Variants in GPC6 observed in about 807,000 individuals in gnomAD.
GPC6 encodes the protein glypican 6.
In GPC6, 14 loss-of-function variants were observed where a neutral mutation model predicts 55.2. The observed-to-expected ratio is 0.25, with a 90% CI of 0.17 to 0.40. The LOEUF (loss-of-function observed/expected upper bound fraction) is 0.40, where lower values mean the gene tolerates loss of function less well. Ranked by LOEUF, GPC6 falls within the 10% of genes least tolerant of loss-of-function variation. The probability of loss-of-function intolerance (pLI) is 1.00; values close to 1 mark genes in which losing one functional copy is unlikely to be tolerated. For missense variants in GPC6, 641 were observed against 708.5 expected (o/e 0.90, Z 1.08); for synonymous variants, 278 against 259.6 (o/e 1.07, Z -0.68).
intron 2 of GPC6, among the ~76,000 whole-genome samples, chr13:93,560,345 CAAAAA>C (rs35073008): frequency 3.9e-5 from 5 of 129,582 alleles, no homozygotes; most frequent in African/African-American, 5.7e-5. Flanking sequence ...GTATCTCTAC[CAAAAA>C]AAAAAAAAAA....
chr13:93,412,047 C>A (rs1439323217), intron 1 of GPC6, among the ~76,000 whole-genome samples: 1 of 151,758 alleles, frequency 6.6e-6, no homozygotes. Flanking sequence ...CCATTATATT[C>A]TCTCCATTAT....
intron 2 of GPC6, among the ~76,000 whole-genome samples, chr13:93,681,888 T>G (rs542484431): frequency 6.6e-6 from 1 of 152,342 alleles, no homozygotes; most frequent in South Asian, 2.1e-4. Flanking sequence ...ACATTGATTT[T>G]TAGCTGTGTT....
intron 1 of GPC6, among the ~76,000 whole-genome samples, chr13:93,406,794 C>G (rs1003973175): frequency 6.6e-6 from 1 of 152,098 alleles, no homozygotes; most frequent in Non-Finnish European, 1.5e-5. Context: ...CAAATCTACT[C>G]ATTAAGGAAC....
intron 3 of GPC6, among the ~76,000 whole-genome samples, chr13:93,879,046 A>G (rs1874783956): frequency 6.6e-6 from 1 of 152,084 alleles, no homozygotes; most frequent in Non-Finnish European, 1.5e-5. Context: ...GTAGTCAAAA[A>G]AGCAAGAAAC....
intron 5 of GPC6, 90 bp downstream of exon 5, chr13:94,286,569 C>A: frequency 1.7e-6 from 2 of 1,143,492 alleles, no homozygotes; most frequent in Non-Finnish European, 1.3e-6. Context: ...GTCGGCTGGG[C>A]TTATAAATTC....
chr13:93,632,145 G>T (rs978435913), intron 2 of GPC6, among the ~76,000 whole-genome samples: 39 of 152,130 alleles, frequency 2.6e-4, no homozygotes, highest in African/African-American at 9.2e-4. Flanking sequence ...TAAAACATTG[G>T]ATTGCCTCAA....
At chr13:94,219,735 G>A (rs894315986) in intron 4 of GPC6, among the ~76,000 whole-genome samples, 2 of 152,118 alleles carry the variant, frequency 1.3e-5, no homozygotes, top group Non-Finnish European at 2.9e-5. Context: ...CTGATTTGGG[G>A]TCTCGTTTCG....
chr13:94,372,485 C>T lies in GPC6; in HGVS notation c.1153-9929C>T, dbSNP rs1191888893. Among the ~76,000 whole-genome samples the T allele has an allele frequency of 1.5e-4, 23 of 152,260 alleles. No individual in the cohort carries two copies. In the East Asian group the frequency reaches 3.3e-3, roughly 22 times the overall value. On this transcript the variant is annotated intron_variant, in intron 6 of 8. Transcript: ENST00000377047. ...CCTGGAAAATCGGGTCACTCCCACC[C>T]GAATACTGCACTTTTCCGACGGGCT...
At chr13:94,280,624 T>C (rs1925979) in intron 4 of GPC6, among the ~76,000 whole-genome samples, 2,833 of 152,322 alleles carry the variant, frequency 0.019, 92 homozygotes, top group African/African-American at 0.064. Context: ...TCTTTTTCTT[T>C]TAATGAATAA....
chr13:93,311,809 G>A (rs1356708712), intron 1 of GPC6, among the ~76,000 whole-genome samples: 2 of 152,120 alleles, frequency 1.3e-5, no homozygotes, highest in East Asian at 3.9e-4. Context: ...ACCTGATGCA[G>A]ACTCATACTT....
intron 3 of GPC6, among the ~76,000 whole-genome samples, chr13:93,873,422 C>G (rs959836572): frequency 6.6e-6 from 1 of 151,910 alleles, no homozygotes; most frequent in Non-Finnish European, 1.5e-5. Flanking sequence ...CTTTGGTATT[C>G]TGCTCTTGTT....
chr13:93,609,918 G>T (rs1878395645), intron 2 of GPC6, among the ~76,000 whole-genome samples: 1 of 152,134 alleles, frequency 6.6e-6, no homozygotes, highest in South Asian at 2.1e-4. Context: ...TTTGGAGTCT[G>T]GTTTTCCTTT....
chr13:93,301,562 G>A (rs1375490062), intron 1 of GPC6, among the ~76,000 whole-genome samples: 1 of 152,166 alleles, frequency 6.6e-6, no homozygotes, highest in Non-Finnish European at 1.5e-5. Flanking sequence ...GGAAGGACAA[G>A]GAGAAGTACA....
In GPC6 at chr13:93,291,617, C is replaced by T. The variant is rs147519086; in HGVS notation, c.160+64001C>T. Among the ~76,000 whole-genome samples the T allele has an allele frequency of 1.9e-4, 29 of 152,246 alleles. No homozygotes were observed. In the East Asian group the frequency reaches 3.5e-3, roughly 18 times the overall value. On this transcript the variant is annotated intron_variant, in intron 1 of 8. Coordinates refer to ENST00000377047, the MANE Select transcript of GPC6 (RefSeq NM_005708.5). ...GGTAACAGCAAATTATACTAGCCAT[C>T]GCCTGAGTATTTTAATCCCATTTGC...
chr13:94,139,288 T>G (rs1262051707), intron 4 of GPC6, among the ~76,000 whole-genome samples: 1 of 152,140 alleles, frequency 6.6e-6, no homozygotes, highest in East Asian at 1.9e-4. Flanking sequence ...TGTAACAAAA[T>G]TATTCTTATA....
At chr13:93,891,872 AGT>A (rs1318208118) in intron 3 of GPC6, among the ~76,000 whole-genome samples, 1 of 151,728 alleles carries the variant, frequency 6.6e-6, no homozygotes, top group Non-Finnish European at 1.5e-5. Flanking sequence ...GTGTATATAT[AGT>A]GTGTGTGTAT....
upstream of GPC6, among the ~76,000 whole-genome samples, chr13:93,225,373 G>A (rs1393107694): frequency 6.6e-6 from 1 of 152,190 alleles, no homozygotes; most frequent in South Asian, 2.1e-4. Context: ...AATAAGTTCA[G>A]TGATTTAAGA....
chr13:93,656,244 A>T (rs184524275), intron 2 of GPC6, among the ~76,000 whole-genome samples: 1 of 152,298 alleles, frequency 6.6e-6, no homozygotes, highest in African/African-American at 2.4e-5. Context: ...CGGTGTCAGC[A>T]AGTAAATCAA....
At chr13:94,344,073 G>T (rs1878170766) in intron 6 of GPC6, among the ~76,000 whole-genome samples, 1 of 152,110 alleles carries the variant, frequency 6.6e-6, no homozygotes, top group Non-Finnish European at 1.5e-5. Flanking sequence ...CCTCAGAAAA[G>T]AATTAAGGAT....
Sources: allele counts gnomAD v4.1 joint callset (sites outside exome capture counted in the v4.1 genomes callset), GRCh38; gene constraint gnomAD v4.1.1; transcripts MANE v1.5; gene names NCBI Gene and HGNC (gene_info 2026-07-23, HGNC 2026-07-21).